The following PCDHGB2 variants were observed in gnomAD, a reference collection of about 807,000 sequenced individuals.
The protein encoded by PCDHGB2 is protocadherin gamma subfamily B, 2.
PCDHGB2 carries 55 observed loss-of-function variants against 59.3 expected under a neutral mutation model. That is an observed-to-expected ratio of 0.93 (90% CI 0.75 to 1.16). The LOEUF is 1.16. PCDHGB2 is among the 50% of genes most tolerant of loss of function. The pLI, the probability that PCDHGB2 is intolerant of heterozygous loss-of-function variation, is 0.00. For missense variants in PCDHGB2, 1,228 were observed against 1,198.5 expected (o/e 1.02, Z -0.36); for synonymous variants, 516 against 512.0 (o/e 1.01, Z -0.11).
rs371964437 is a variant in PCDHGB2, at chr5:141,511,404, C to T, written c.*231C>T. On this transcript the variant is annotated 3_prime_UTR_variant, in exon 4 of 4. Coordinates refer to ENST00000522605, the MANE Select transcript of PCDHGB2 (RefSeq NM_018923.3). ...CCGCTGGGAACCCCCATCCAATCAA[C>T]TGCTGTACCCATGGGGGTAGTGGGG... The T allele has an allele frequency of 7.7e-5, 73 of 947,014 alleles. No individual in the cohort carries two copies. In the East Asian group the frequency reaches 1.8e-3, roughly 23 times the overall value. The allele number at this position is 947,014 out of a possible 1,614,324, so 58.7% of individuals were successfully genotyped here.
At position 141,431,433 on chromosome 5, in the gene PCDHGB2, C is replaced by T; in HGVS notation, c.2422-63374C>T. ...GGGGGCGACCCGGTGCGCACAGGCA[C>T]CGCGCGCATCCGCGTGATGGTTCTG... On this transcript the variant is annotated intron_variant, in intron 1 of 3. Transcript: ENST00000522605. This position sits in a 1 kb window ranked among gnomAD's most constrained non-coding sequence, Gnocchi z 4.8. 1.9e-6 allele frequency: 3 copies of T among 1,613,716 alleles called. No homozygotes were observed. The highest frequency in any genetic ancestry group is 2.5e-6 in the Non-Finnish European group (3 of 1,180,028).
Position 141,477,310 on chromosome 5 carries a change from C to T in PCDHGB2, c.2422-17497C>T. On this transcript the variant is annotated intron_variant, in intron 1 of 3. Coordinates refer to ENST00000522605, the MANE Select transcript of PCDHGB2 (RefSeq NM_018923.3). This position sits in a 1 kb window ranked among gnomAD's most constrained non-coding sequence, Gnocchi z 4.9. ...AAGTTCCACCGGGTCTCCCTTTCAGCCTTACTTCTTCCCTCAAGAATTACT... is the reference window on the plus strand; with the variant it reads ...AAGTTCCACCGGGTCTCCCTTTCAGTCTTACTTCTTCCCTCAAGAATTACT... The T allele has an allele frequency of 6.2e-7, 1 of 1,614,154 alleles. No homozygotes were observed. Among genetic ancestry groups the T allele is most frequent in the Non-Finnish European group, 8.5e-7 (1 of 1,180,018 alleles).
At chr5:141,437,986 C>T (rs2097921856) in intron 1 of PCDHGB2, among the ~76,000 whole-genome samples, 1 of 152,096 alleles carries the variant, frequency 6.6e-6, no homozygotes, top group African/African-American at 2.4e-5. Context: ...TGCACCCACC[C>T]CACCTCAGCC....
At chr5:141,404,150 G>T in intron 1 of PCDHGB2, 1 of 1,612,828 alleles carries the variant, frequency 6.2e-7, no homozygotes, top group South Asian at 1.1e-5. Flanking sequence ...TTCAGAAGAA[G>T]ATTATTACAG....
intron 1 of PCDHGB2, among the ~76,000 whole-genome samples, chr5:141,460,256 C>T (rs1315761341): frequency 6.6e-6 from 1 of 151,704 alleles, no homozygotes; most frequent in Admixed American, 6.6e-5. Context: ...TTGATAAAGC[C>T]CAATTTATTT....
chr5:141,364,822 GA>G (rs1385950726), intron 1 of PCDHGB2: 1 of 1,614,010 alleles, frequency 6.2e-7, no homozygotes, highest in Admixed American at 1.7e-5. Context: ...ATGTGGGTGT[GA>G]ACTCTCTCCG....
At chr5:141,378,934 C>G (rs1228381656) in intron 1 of PCDHGB2, 3 of 152,166 alleles carry the variant, frequency 2.0e-5, no homozygotes, top group Non-Finnish European at 2.9e-5. Flanking sequence ...GTTGATGGCC[C>G]TGGAATGAAT....
At chr5:141,460,483 C>G (rs2098990314) in intron 1 of PCDHGB2, among the ~76,000 whole-genome samples, 1 of 152,046 alleles carries the variant, frequency 6.6e-6, no homozygotes, top group African/African-American at 2.4e-5. Flanking sequence ...ATCCAATTGT[C>G]TCTTTGGAAA....
At chr5:141,467,167 C>T (rs2099138606) in intron 1 of PCDHGB2, among the ~76,000 whole-genome samples, 1 of 151,832 alleles carries the variant, frequency 6.6e-6, no homozygotes, top group Non-Finnish European at 1.5e-5. Context: ...ATTCTCATCT[C>T]TCAGCCTCCC....
intron 1 of PCDHGB2, chr5:141,384,250 A>C: frequency 6.2e-7 from 1 of 1,613,796 alleles, no homozygotes; most frequent in East Asian, 2.2e-5. Context: ...TAACCCACCC[A>C]CCTTCCCCCA....
Position 141,476,072 on chromosome 5 carries a change from C to A in PCDHGB2, c.2422-18735C>A. 1.3e-6 allele frequency: 2 copies of A among 1,523,462 alleles called. No individual in the cohort carries two copies. The highest frequency in any genetic ancestry group is 1.3e-5 in the South Asian group (1 of 77,998). 94.4% of individuals were successfully genotyped at this position (1,523,462 alleles called of 1,614,324 possible). The stretch of plus-strand genomic sequence containing the variant: ...CGCTGAAAGTTTCTCAGCGAAATCT[C>A]AGGGACGATCTGGACCCCGCTGAGA... On this transcript the variant is annotated intron_variant, in intron 1 of 3. Coordinates refer to ENST00000522605, the MANE Select transcript of PCDHGB2 (RefSeq NM_018923.3). The surrounding 1 kb of genome is among the most constrained non-coding windows in gnomAD (Gnocchi z 7.6).
intron 2 of PCDHGB2, 107 bp from the exon 3 acceptor site, chr5:141,505,286 A>T: frequency 3.2e-6 from 5 of 1,551,278 alleles, no homozygotes; most frequent in Non-Finnish European, 4.4e-6. Flanking sequence ...GGTCTTGGGC[A>T]TGGGGTAGGG....
chr5:141,399,370 A>C (rs1466560972), intron 1 of PCDHGB2: 2 of 1,614,004 alleles, frequency 1.2e-6, no homozygotes, highest in Non-Finnish European at 1.7e-6. Context: ...CCCGGAGTAC[A>C]ATGTCACCAT....
rs553772792 is a variant in PCDHGB2, at chr5:141,444,542, G to A, written c.2422-50265G>A. ...AGGTGAGACAGTGACTGTGTCTAGT[G>A]AGCAAAAGGCACTTATTTGACACTT... On this transcript the variant is annotated intron_variant, in intron 1 of 3. Coordinates refer to ENST00000522605, the MANE Select transcript of PCDHGB2 (RefSeq NM_018923.3). 3.3e-5 allele frequency among the ~76,000 whole-genome samples: 5 copies of A among 152,156 alleles called. No individual in the cohort carries two copies. The East Asian group carries it at 7.7e-4, about 24-fold the overall frequency.
chr5:141,468,815 A>G (rs866523229), intron 1 of PCDHGB2, among the ~76,000 whole-genome samples: 7 of 151,958 alleles, frequency 4.6e-5, no homozygotes, highest in Middle Eastern at 3.4e-3. Context: ...GCAGTGAGCC[A>G]AGATCAAGCC....
chr5:141,376,100 G>A (rs772318189), intron 1 of PCDHGB2: 1 of 1,613,750 alleles, frequency 6.2e-7, no homozygotes, highest in Non-Finnish European at 8.5e-7. Flanking sequence ...CGACATCCTG[G>A]CCGACCTGGG....
intron 2 of PCDHGB2, among the ~76,000 whole-genome samples, chr5:141,500,125 T>C (rs1367341826): frequency 2.0e-5 from 3 of 151,970 alleles, no homozygotes; most frequent in African/African-American, 4.8e-5. Flanking sequence ...CCTTTTCATA[T>C]ATATCTTTCT....
At position 141,370,127 on chromosome 5, in the gene PCDHGB2, G is replaced by A. The variant is rs1588666057; in HGVS notation, c.2421+7571G>A. ...TTTCTCCTAACTAGCTCCTTATTTGGAGCTGATTTAGTCACCATTACTGCA... is the reference window on the plus strand; with the variant it reads ...TTTCTCCTAACTAGCTCCTTATTTGAAGCTGATTTAGTCACCATTACTGCA... On this transcript the variant is annotated intron_variant, in intron 1 of 3. Transcript: ENST00000522605. 5 of 394,722 alleles carry A rather than the reference G, an allele frequency of 1.3e-5. No individual in the cohort carries two copies. The East Asian group carries it at 1.9e-4, about 15-fold the overall frequency. 24.5% of individuals were successfully genotyped at this position (394,722 alleles called of 1,614,324 possible). A position where few individuals can be genotyped will look rare whatever the true frequency, so the allele number is the denominator to read the frequency against.
intron 1 of PCDHGB2, among the ~76,000 whole-genome samples, chr5:141,455,890 T>G (rs1055285369): frequency 1.3e-5 from 2 of 149,264 alleles, no homozygotes; most frequent in African/African-American, 2.4e-5. Flanking sequence ...TTTATTTATT[T>G]ATTTATTTAT....
Sources: allele counts gnomAD v4.1 joint callset (sites outside exome capture counted in the v4.1 genomes callset), GRCh38; gene constraint gnomAD v4.1.1; non-coding constraint Gnocchi (gnomAD v3.1); transcripts MANE v1.5; gene names NCBI Gene and HGNC (gene_info 2026-07-23, HGNC 2026-07-21).